The following SIDT1 variants were observed in gnomAD, a reference collection of about 807,000 sequenced individuals.
SIDT1 encodes the protein SID1 transmembrane family member 1.
A neutral mutation model predicts 107.5 loss-of-function variants in SIDT1; 101 were observed. The observed-to-expected ratio is 0.94, with a 90% CI of 0.80 to 1.11. The LOEUF (loss-of-function observed/expected upper bound fraction) is 1.11, where lower values mean the gene tolerates loss of function less well. SIDT1 is among the 50% of genes least tolerant of loss of function. The pLI, the probability that SIDT1 is intolerant of heterozygous loss-of-function variation, is 0.00. For missense variants in SIDT1, 1,076 were observed against 1,058.2 expected, an observed-to-expected ratio of 1.02 and a Z score of -0.23; for synonymous variants, 395 against 398.2, an observed-to-expected ratio of 0.99 and a Z score of 0.10.
chr3:113,602,981 G>C (rs778436017), intron 11 of SIDT1, 24 bp from the exon 12 acceptor site: 1 of 1,611,658 alleles, frequency 6.2e-7, no homozygotes, highest in South Asian at 1.1e-5. Context: ...GCTTTTGATG[G>C]CAGATGAGTT....
At chr3:113,587,158 CAAATGGTCCAGGA>C (rs1943800596) in intron 9 of SIDT1, among the ~76,000 whole-genome samples, 1 of 151,786 alleles carries the variant, frequency 6.6e-6, no homozygotes, top group Non-Finnish European at 1.5e-5. Flanking sequence ...AAGTTACTTT[CAAATGGTCCAGGA>C]AAAAAAAGTG....
Position 113,603,038 on chromosome 3 carries a change from C to T in SIDT1, c.1151C>T (p.Ser384Phe), listed in dbSNP as rs781016210. 2.5e-6 allele frequency: 4 copies of T among 1,614,100 alleles called. No individual in the cohort carries two copies. In the South Asian group the frequency reaches 3.3e-5, roughly 13 times the overall value. ...AGCTCCAGTCCTGGAAGGCAGATGT[C>T]CTCCTCCGATGGTGGGCCACCGGGC... is the stretch of plus-strand genomic sequence containing the variant. Reference protein sequence around the residue: ...ESSSSPGRQMSSSDGGPPGQS... With the variant: ...ESSSSPGRQMFSSDGGPPGQS... The change falls in exon 12 of 25, where the codon TCC (serine) becomes TTC (phenylalanine). Residue 384 changes from serine to phenylalanine, a missense_variant. Coordinates refer to ENST00000264852, the MANE Select transcript of SIDT1 (RefSeq NM_017699.3).
chr3:113,601,597 A>T lies in SIDT1; in HGVS notation c.1055A>T (p.Asn352Ile). 1 of 1,613,832 alleles carries T rather than the reference A, an allele frequency of 6.2e-7. No homozygotes were observed. The highest frequency in any genetic ancestry group is 8.5e-7 in the Non-Finnish European group (1 of 1,179,738). The change falls in exon 11 of 25, where the codon AAT becomes ATT. Residue 352 changes from asparagine (N) to isoleucine (I), a missense_variant. Coordinates refer to ENST00000264852, the MANE Select transcript of SIDT1 (RefSeq NM_017699.3). ...GSFGSNDGSG[N>I]MVASHPIAAS... ...TCACTTTTTTTAACAGGCTCTGGAA[A>T]TATGGTGGCATCTCATCCCATTGCT... is the stretch of plus-strand genomic sequence containing the variant.
intron 19 of SIDT1, among the ~76,000 whole-genome samples, chr3:113,612,937 A>G (rs1168305781): frequency 6.6e-6 from 1 of 152,256 alleles, no homozygotes; most frequent in East Asian, 1.9e-4. Flanking sequence ...AAAAGCCTGC[A>G]TAGCTTATGT....
At chr3:113,606,641 T>C (rs1283293460) in intron 14 of SIDT1, 1 of 155,702 alleles carries the variant, frequency 6.4e-6, no homozygotes, top group Non-Finnish European at 1.4e-5. Context: ...GCCTCATGTT[T>C]ACCATTTCTA....
chr3:113,554,429 C>A (rs1196867295), intron 1 of SIDT1, among the ~76,000 whole-genome samples: 1 of 152,094 alleles, frequency 6.6e-6, no homozygotes, highest in Non-Finnish European at 1.5e-5. Context: ...TGGGAGGTAA[C>A]TGAATCATAG....
chr3:113,543,105 T>C (rs1024807242), intron 1 of SIDT1, among the ~76,000 whole-genome samples: 4 of 152,018 alleles, frequency 2.6e-5, no homozygotes, highest in Non-Finnish European at 5.9e-5. Flanking sequence ...CATGCCCAGC[T>C]AATTTTTGTA....
intron 15 of SIDT1, among the ~76,000 whole-genome samples, chr3:113,607,525 C>T (rs1045969294): frequency 2.0e-5 from 3 of 152,236 alleles, no homozygotes; most frequent in Non-Finnish European, 2.9e-5. Context: ...TAGTGCAGGA[C>T]GCAAACCCAG....
chr3:113,550,768 A>C (rs1211575218), intron 1 of SIDT1, among the ~76,000 whole-genome samples: 1 of 151,950 alleles, frequency 6.6e-6, no homozygotes, highest in East Asian at 1.9e-4. Context: ...TTAAACTTTT[A>C]TTTTAAGTTC....
At chr3:113,599,560 T>G (rs1466659061) in intron 10 of SIDT1, among the ~76,000 whole-genome samples, 8 of 152,270 alleles carry the variant, frequency 5.3e-5, no homozygotes, top group African/African-American at 1.9e-4. Context: ...AAGCAGGATA[T>G]GCTGCCATTT....
At position 113,628,013 on chromosome 3, in the gene SIDT1, G is replaced by C. The variant is rs1197761977; in HGVS notation, c.*305G>C. ...TGCATCCAAGTCAACTCACCATCTT[G>C]GGGTCCCTCCCACCCTCACGGAGAC... On this transcript the variant is annotated 3_prime_UTR_variant, in exon 25 of 25. Coordinates refer to ENST00000264852, the MANE Select transcript of SIDT1 (RefSeq NM_017699.3). The C allele has an allele frequency of 7.9e-6, 3 of 378,024 alleles. No homozygotes were observed. Among genetic ancestry groups the C allele is most frequent in the Non-Finnish European group, 1.5e-5 (3 of 204,802 alleles). The allele number at this position is 378,024 out of a possible 1,614,324, so 23.4% of individuals were successfully genotyped here. A position where few individuals can be genotyped will look rare whatever the true frequency, so the allele number is the denominator to read the frequency against.
chr3:113,615,341 A>G (rs994396165), intron 19 of SIDT1, among the ~76,000 whole-genome samples: 2 of 152,204 alleles, frequency 1.3e-5, no homozygotes, highest in African/African-American at 4.8e-5. Context: ...AGAAGGATTC[A>G]TAACAGAGCT....
At chr3:113,619,848 G>T in intron 21 of SIDT1, 122 bp downstream of exon 21, 1 of 870,610 alleles carries the variant, frequency 1.1e-6, no homozygotes, top group African/African-American at 1.7e-5. Flanking sequence ...AGGACTGCTT[G>T]TTCTAGAGAC....
intron 19 of SIDT1, chr3:113,615,147 G>A: frequency 6.7e-7 from 1 of 1,494,344 alleles, no homozygotes; most frequent in Non-Finnish European, 9.0e-7. Flanking sequence ...TGGCTGTCCT[G>A]GCAGCCCTGC....
intron 1 of SIDT1, among the ~76,000 whole-genome samples, chr3:113,565,315 G>C (rs12629879): frequency 6.6e-6 from 1 of 151,502 alleles, no homozygotes; most frequent in African/African-American, 2.4e-5. Context: ...GCAGATCACT[G>C]GAGGTCAGCA....
Position 113,571,074 on chromosome 3 carries a change from A to G in SIDT1, c.515+3364A>G, listed in dbSNP as rs181483817. Among the ~76,000 whole-genome samples the G allele has an allele frequency of 7.4e-4, 113 of 152,260 alleles. 1 individual carries two copies. Among genetic ancestry groups the G allele is most frequent in the African/African-American group, 2.6e-3 (109 of 41,534 alleles). ...CTTTCTAGTTAAAACTGTCCTCCCA[A>G]TTGTTTGTGTTTCTCTAAATATGTC... On this transcript the variant is annotated intron_variant, in intron 3 of 24. Transcript: ENST00000264852.
chr3:113,585,286 C>G lies in SIDT1; in HGVS notation c.1001+16C>G. The G allele has an allele frequency of 2.6e-6, 4 of 1,562,758 alleles. No individual in the cohort carries two copies. The highest frequency in any genetic ancestry group is 3.5e-6 in the Non-Finnish European group (4 of 1,133,642). On this transcript the variant is annotated intron_variant, in intron 9 of 24. Transcript: ENST00000264852. ...ATTATCTGAGGTAGGTCAATCTTTTCTAGAAATGTTAATTCCCTGTGCCTG... is the reference window on the plus strand; with the variant it reads ...ATTATCTGAGGTAGGTCAATCTTTTGTAGAAATGTTAATTCCCTGTGCCTG...
At chr3:113,597,495 C>CAAAAAAAAAAAAAAAAAAAAA (rs60934363) in intron 10 of SIDT1, among the ~76,000 whole-genome samples, 1 of 109,532 alleles carries the variant, frequency 9.1e-6, no homozygotes, top group Non-Finnish European at 1.8e-5. Flanking sequence ...GACTCCATCT[C>CAAAAAAAAAAAAAAAAAAAAA]AAAAAAAAAA....
chr3:113,585,954 A>T (rs924423878), intron 9 of SIDT1, among the ~76,000 whole-genome samples: 9 of 152,200 alleles, frequency 5.9e-5, no homozygotes, highest in African/African-American at 1.9e-4. Context: ...AAACAACTAC[A>T]AAAGAATGGC....
Sources: gnomAD v4.1 joint callset for allele counts (sites outside exome capture counted in the v4.1 genomes callset) on GRCh38, gnomAD v4.1.1 for gene constraint, MANE v1.5 for transcripts, NCBI Gene and HGNC (gene_info 2026-07-23, HGNC 2026-07-21) for gene names.